MICU1: variants seen among roughly 807,000 people sequenced by gnomAD.
MICU1 encodes the protein calcium uptake protein 1, mitochondrial.
A neutral mutation model predicts 56.8 loss-of-function variants in MICU1; 45 were observed. The ratio of observed to expected loss-of-function variants is 0.79; its 90% CI spans 0.62 to 1.02. The LOEUF (loss-of-function observed/expected upper bound fraction) is 1.02. Ranked by LOEUF, MICU1 falls within the 50% of genes least tolerant of loss-of-function variation. The probability of loss-of-function intolerance (pLI) is 0.00; values close to 1 mark genes in which losing one functional copy is unlikely to be tolerated. For synonymous variants in MICU1, 186 were observed against 195.1 expected (o/e 0.95, Z 0.39); for missense variants, 504 against 587.1 (o/e 0.86, Z 1.46).
At position 72,370,412 on chromosome 10, in the gene MICU1, A is replaced by C. The variant is rs570873287; in HGVS notation, c.1271-2057T>G. 4.6e-5 allele frequency among the ~76,000 whole-genome samples: 7 copies of C among 152,118 alleles called. No homozygotes were observed. The South Asian group carries it at 1.5e-3, about 32-fold the overall frequency. On this transcript the variant is annotated intron_variant, in intron 11 of 11. Coordinates refer to ENST00000361114, the MANE Select transcript of MICU1 (RefSeq NM_001195518.2). ...GGTTTACTTCTGTAGAGTACCCAAA[A>C]CCTAAACTGGCTCATGTTTTCTGGC...
chr10:72,449,168 C>T lies in MICU1; in HGVS notation c.934-25797G>A, dbSNP rs556625107. Among the ~76,000 whole-genome samples the T allele has an allele frequency of 2.9e-3, 437 of 152,152 alleles. 3 individuals carry two copies. The highest frequency in any genetic ancestry group is 0.01 in the African/African-American group (419 of 41,532). On this transcript the variant is annotated intron_variant, in intron 8 of 11. Coordinates refer to ENST00000361114, the MANE Select transcript of MICU1 (RefSeq NM_001195518.2). ...ATCCCAGCACTTTGGGAGGCTGAGG[C>T]GGGCAGATCACATGAGGTCAGGAGT...
intron 6 of MICU1, among the ~76,000 whole-genome samples, chr10:72,501,963 T>C (rs1867082766): frequency 6.6e-6 from 1 of 152,192 alleles, no homozygotes; most frequent in Non-Finnish European, 1.5e-5. Flanking sequence ...ATTTTATTTT[T>C]AAGTCAAGAA....
chr10:72,427,680 G>C (rs927241692), intron 8 of MICU1, among the ~76,000 whole-genome samples: 2 of 150,472 alleles, frequency 1.3e-5, no homozygotes, highest in South Asian at 2.1e-4. Flanking sequence ...TGGGTGGATC[G>C]CTTGAGCCCA....
intron 8 of MICU1, among the ~76,000 whole-genome samples, chr10:72,470,268 C>A (rs951089061): frequency 3.9e-5 from 6 of 152,122 alleles, no homozygotes; most frequent in Admixed American, 3.9e-4. Flanking sequence ...CAAAGAAGGA[C>A]AAATGTAGTT....
At chr10:72,374,738 A>G (rs1281109395) in intron 11 of MICU1, among the ~76,000 whole-genome samples, 2 of 151,636 alleles carry the variant, frequency 1.3e-5, no homozygotes, top group African/African-American at 2.4e-5. Flanking sequence ...AGAGGGTGGT[A>G]ATATAGTAAA....
chr10:72,399,376 G>C (rs573109959), intron 10 of MICU1, among the ~76,000 whole-genome samples: 40 of 152,212 alleles, frequency 2.6e-4, no homozygotes, highest in Non-Finnish European at 4.4e-4. Context: ...ATGAGTTGAT[G>C]GGTGCAGCAA....
intron 11 of MICU1, among the ~76,000 whole-genome samples, chr10:72,369,552 G>A (rs1172898254): frequency 6.6e-6 from 1 of 152,154 alleles, no homozygotes; most frequent in Non-Finnish European, 1.5e-5. Context: ...TCTCTCTGCT[G>A]TAATGGAGAG....
At chr10:72,543,048 C>T (rs1178716598) in intron 4 of MICU1, among the ~76,000 whole-genome samples, 1 of 152,112 alleles carries the variant, frequency 6.6e-6, no homozygotes, top group Non-Finnish European at 1.5e-5. Flanking sequence ...AGTCTGGGGT[C>T]TTTATAGGCA....
intron 4 of MICU1, among the ~76,000 whole-genome samples, chr10:72,536,631 G>A (rs1204208651): frequency 2.0e-5 from 3 of 152,080 alleles, no homozygotes; most frequent in East Asian, 1.9e-4. Flanking sequence ...GATAAAAGGC[G>A]TGAGCCACCG....
At chr10:72,473,417 T>C (rs1012267334) in intron 8 of MICU1, 1 of 152,216 alleles carries the variant, frequency 6.6e-6, no homozygotes, top group African/African-American at 2.4e-5. Flanking sequence ...ATCTACTTTA[T>C]GAGTTTATTT....
intron 10 of MICU1, among the ~76,000 whole-genome samples, chr10:72,387,793 T>TC (rs1862942538): frequency 6.7e-6 from 1 of 150,206 alleles, no homozygotes; most frequent in Non-Finnish European, 1.5e-5. Flanking sequence ...TAAGGATGAT[T>TC]TAAAAAAAAA....
At chr10:72,540,267 C>CAAA (rs11287541) in intron 4 of MICU1, among the ~76,000 whole-genome samples, 2 of 85,426 alleles carry the variant, frequency 2.3e-5, no homozygotes, top group Admixed American at 1.3e-4. Flanking sequence ...AACTCCATCT[C>CAAA]AAAAAAAAAA....
intron 1 of MICU1, among the ~76,000 whole-genome samples, 192 bp downstream of exon 1, chr10:72,625,818 G>A (rs1201806495): frequency 6.6e-6 from 1 of 152,186 alleles, no homozygotes; most frequent in African/African-American, 2.4e-5. Flanking sequence ...CAAGACTACG[G>A]ACTCCTCTCC....
intron 1 of MICU1, among the ~76,000 whole-genome samples, chr10:72,570,669 TA>T (rs1840587699): frequency 6.6e-6 from 1 of 152,208 alleles, no homozygotes; most frequent in African/African-American, 2.4e-5. Flanking sequence ...AAATTGGACC[TA>T]AATCTTGCCC....
At chr10:72,592,548 T>C (rs1246232593) in intron 1 of MICU1, among the ~76,000 whole-genome samples, 1 of 152,094 alleles carries the variant, frequency 6.6e-6, no homozygotes, top group African/African-American at 2.4e-5. Flanking sequence ...CCAATATCCC[T>C]TATGAATACT....
chr10:72,464,270 G>A (rs1296504843), intron 8 of MICU1, among the ~76,000 whole-genome samples: 5 of 145,052 alleles, frequency 3.4e-5, no homozygotes, highest in East Asian at 3.9e-4. Context: ...CACTCTAGCC[G>A]GGGTGACAGA....
intron 1 of MICU1, among the ~76,000 whole-genome samples, chr10:72,597,602 G>A (rs1333313380): frequency 2.6e-5 from 4 of 152,086 alleles, no homozygotes; most frequent in Admixed American, 2.6e-4. Context: ...AATTTATTGT[G>A]TTAATCATTT....
chr10:72,583,947 T>G (rs1273003697), intron 1 of MICU1, among the ~76,000 whole-genome samples: 2 of 152,352 alleles, frequency 1.3e-5, no homozygotes, highest in Middle Eastern at 3.4e-3. Context: ...AGTGAGTATC[T>G]TCCAATAGCA....
At chr10:72,386,539 C>T (rs889442672) in intron 10 of MICU1, among the ~76,000 whole-genome samples, 2 of 150,364 alleles carry the variant, frequency 1.3e-5, no homozygotes, top group Non-Finnish European at 2.9e-5. Context: ...CGCACTCATC[C>T]CTCATCCCCC....
Sources: allele counts gnomAD v4.1 joint callset (sites outside exome capture counted in the v4.1 genomes callset), GRCh38; gene constraint gnomAD v4.1.1; transcripts MANE v1.5; gene names NCBI Gene and HGNC (gene_info 2026-07-23, HGNC 2026-07-21).